The following TRPS1 variants were observed in gnomAD, a reference collection of about 807,000 sequenced individuals.
The protein encoded by TRPS1 is transcriptional repressor GATA binding 1.
TRPS1 carries 6 observed loss-of-function variants against 101.2 expected under a neutral mutation model. The observed-to-expected ratio is 0.06, with a 90% CI of 0.03 to 0.12. The LOEUF (loss-of-function observed/expected upper bound fraction) is 0.12. Ranked by LOEUF, TRPS1 falls within the 10% of genes least tolerant of loss-of-function variation. The pLI, the probability that TRPS1 is intolerant of heterozygous loss-of-function variation, is 1.00. For missense variants in TRPS1, 1,363 were observed against 1,567.0 expected, an observed-to-expected ratio of 0.87 and a Z score of 2.20; for synonymous variants, 578 against 589.8, an observed-to-expected ratio of 0.98 and a Z score of 0.29.
At chr8:115,600,783 A>G (rs1817889901) in intron 4 of TRPS1, among the ~76,000 whole-genome samples, 1 of 152,058 alleles carries the variant, frequency 6.6e-6, no homozygotes, top group Non-Finnish European at 1.5e-5. Flanking sequence ...AACCTAAGTT[A>G]TAACACTGAA....
At position 115,418,702 on chromosome 8, in the gene TRPS1, C is replaced by T. The variant is rs1480411604; in HGVS notation, c.2701-250G>A. 6.6e-6 allele frequency among the ~76,000 whole-genome samples: 1 copy of T among 152,140 alleles called. No individual in the cohort carries two copies. The highest frequency in any genetic ancestry group is 2.4e-5 in the African/African-American group (1 of 41,428). On this transcript the variant is annotated intron_variant, in intron 5 of 6. Coordinates refer to ENST00000395715, the MANE Select transcript of TRPS1 (RefSeq NM_014112.5). This position sits in a 1 kb window ranked among gnomAD's most constrained non-coding sequence, Gnocchi z 4.3. Reference sequence around the variant, plus strand: ...ACAGAAACAGCTTTAACTTTTTGAACTTTGGGTTTTATGGCTTTAATGATG... The same window carrying T: ...ACAGAAACAGCTTTAACTTTTTGAATTTTGGGTTTTATGGCTTTAATGATG...
chr8:115,549,013 A>T (rs1469399532), intron 5 of TRPS1, among the ~76,000 whole-genome samples: 1 of 152,234 alleles, frequency 6.6e-6, no homozygotes, highest in East Asian at 1.9e-4. Flanking sequence ...ACTGATTAAT[A>T]GTACCGTAAA....
intron 3 of TRPS1, among the ~76,000 whole-genome samples, chr8:115,615,051 C>T (rs1329693543): frequency 1.3e-5 from 2 of 152,106 alleles, no homozygotes; most frequent in Non-Finnish European, 2.9e-5. Flanking sequence ...ATATTTACAA[C>T]ACAGAAATGT....
intron 5 of TRPS1, among the ~76,000 whole-genome samples, chr8:115,518,028 AGGAC>A (rs1388360147): frequency 0.11 from 13 of 116 alleles, no homozygotes; most frequent in Non-Finnish European, 0.2. Flanking sequence ...CCACCAGTGT[AGGAC>A]AGGAAATGAA....
In TRPS1 at chr8:115,623,461, G is replaced by A. The variant is rs2737219; in HGVS notation, c.37+140C>T. On this transcript the variant is annotated intron_variant, in intron 2 of 6. Transcript: ENST00000395715. ...TCTAAGTGGAAGAAACTCCCCTAGC[G>A]AGTCGTAAGTTAGATACCATAAGAC... 0.6 allele frequency: 505,052 copies of A among 839,034 alleles called. 155,922 individuals carry two copies. Among genetic ancestry groups the A allele is most frequent in the East Asian group, 0.78 (28,566 of 36,492 alleles). The allele number at this position is 839,034 out of a possible 1,614,324, so 52.0% of individuals were successfully genotyped here. A position where few individuals can be genotyped will look rare whatever the true frequency, so the allele number is the denominator to read the frequency against.
intron 5 of TRPS1, among the ~76,000 whole-genome samples, chr8:115,526,265 C>T (rs754434000): frequency 2.6e-5 from 4 of 151,796 alleles, no homozygotes; most frequent in Non-Finnish European, 5.9e-5. Flanking sequence ...GCTGACATCA[C>T]GCCACTTACA....
chr8:115,514,747 C>T (rs1012812866), intron 5 of TRPS1, among the ~76,000 whole-genome samples: 1 of 151,190 alleles, frequency 6.6e-6, no homozygotes, highest in Non-Finnish European at 1.5e-5. Context: ...ATACTTCAAT[C>T]GTTCAAATAA....
intron 5 of TRPS1, among the ~76,000 whole-genome samples, chr8:115,446,690 C>A (rs149991911): frequency 6.6e-6 from 1 of 152,038 alleles, no homozygotes; most frequent in African/African-American, 2.4e-5. Context: ...CTAGAATCCT[C>A]GAATGTTAGA....
intron 5 of TRPS1, among the ~76,000 whole-genome samples, chr8:115,558,760 G>A (rs1158273706): frequency 6.6e-6 from 1 of 152,042 alleles, no homozygotes; most frequent in Non-Finnish European, 1.5e-5. Flanking sequence ...CGCTTTTGGA[G>A]TTATCAAATT....
chr8:115,603,242 C>CA (rs1817949585), intron 4 of TRPS1, among the ~76,000 whole-genome samples: 1 of 152,126 alleles, frequency 6.6e-6, no homozygotes, highest in Non-Finnish European at 1.5e-5. Context: ...AAAACACAAA[C>CA]TTCCCACATC....
At chr8:115,444,135 C>T (rs1813674134) in intron 5 of TRPS1, among the ~76,000 whole-genome samples, 1 of 152,226 alleles carries the variant, frequency 6.6e-6, no homozygotes, top group Admixed American at 6.5e-5. Flanking sequence ...CATGGGATCA[C>T]ATGCCAGCTA....
chr8:115,483,999 T>G (rs1814819631), intron 5 of TRPS1, among the ~76,000 whole-genome samples: 1 of 152,226 alleles, frequency 6.6e-6, no homozygotes, highest in Non-Finnish European at 1.5e-5. Context: ...ATAGTGGCTT[T>G]GTAAAATATA....
At chr8:115,556,956 T>C (rs1436830577) in intron 5 of TRPS1, among the ~76,000 whole-genome samples, 6 of 152,074 alleles carry the variant, frequency 3.9e-5, no homozygotes, top group Admixed American at 2.0e-4. Flanking sequence ...TAAAGACATA[T>C]CCAAGACTGA....
At chr8:115,548,748 G>C (rs1229592378) in intron 5 of TRPS1, among the ~76,000 whole-genome samples, 1 of 152,184 alleles carries the variant, frequency 6.6e-6, no homozygotes, top group African/African-American at 2.4e-5. Context: ...AAAGTTTCAG[G>C]TAAATAAGAC....
intron 5 of TRPS1, among the ~76,000 whole-genome samples, chr8:115,530,043 T>C (rs1446394269): frequency 6.6e-6 from 1 of 152,112 alleles, no homozygotes; most frequent in Non-Finnish European, 1.5e-5. Context: ...GTTCCTATAT[T>C]TTCCTCCCAA....
At chr8:115,624,935 T>C (rs1818472529) in intron 1 of TRPS1, among the ~76,000 whole-genome samples, 1 of 151,722 alleles carries the variant, frequency 6.6e-6, no homozygotes, top group Admixed American at 6.6e-5. Context: ...ACTAGTGTTT[T>C]AGTTATATTT....
intron 1 of TRPS1, among the ~76,000 whole-genome samples, chr8:115,650,767 G>A (rs1161839550): frequency 6.6e-6 from 1 of 152,170 alleles, no homozygotes; most frequent in Non-Finnish European, 1.5e-5. Context: ...ATCACTGAGG[G>A]AAACGTGAAT....
chr8:115,651,792 G>A (rs908059932), intron 1 of TRPS1, among the ~76,000 whole-genome samples: 1 of 152,176 alleles, frequency 6.6e-6, no homozygotes, highest in Non-Finnish European at 1.5e-5. Context: ...CATTTCATAA[G>A]GAGGGAAGAA....
chr8:115,657,207 G>C (rs1257353533), intron 1 of TRPS1, among the ~76,000 whole-genome samples: 3 of 152,128 alleles, frequency 2.0e-5, no homozygotes, highest in Admixed American at 1.3e-4. Context: ...AACATTCACT[G>C]TTATATTTTC....
Sources: gnomAD v4.1 joint callset for allele counts (sites outside exome capture counted in the v4.1 genomes callset) on GRCh38, gnomAD v4.1.1 for gene constraint, Gnocchi (gnomAD v3.1) non-coding constraint, MANE v1.5 for transcripts, NCBI Gene and HGNC (gene_info 2026-07-23, HGNC 2026-07-21) for gene names.